The following CNTN4 variants were observed in gnomAD, a reference collection of about 807,000 sequenced individuals.
The protein encoded by CNTN4 is contactin 4, also known as contactin-4.
In CNTN4, 77 loss-of-function variants were observed where a neutral mutation model predicts 122.5. The observed-to-expected ratio is 0.63, with a 90% CI of 0.52 to 0.76. The LOEUF is 0.76. Ranked by LOEUF, CNTN4 falls within the 30% of genes least tolerant of loss-of-function variation. The pLI is 0.00. For missense variants in CNTN4, 1,256 were observed against 1,259.1 expected (o/e 1.00, Z 0.04); for synonymous variants, 512 against 447.0 (o/e 1.15, Z -1.83).
At chr3:2,286,233 C>A (rs2041897212) in intron 2 of CNTN4, among the ~76,000 whole-genome samples, 1 of 5,902 alleles carries the variant, frequency 1.7e-4, no homozygotes, top group South Asian at 0.045. Context: ...GCATACACCC[C>A]CTGCCCCCCC....
In CNTN4 at chr3:2,739,311, T is replaced by G. The variant is rs1007381756; in HGVS notation, c.182+2970T>G. ...TAGCAATTTAAATTGGTAAAAGCCA[T>G]TAAAAAAAAAAACACTCCCTAGTAA... On this transcript the variant is annotated intron_variant, in intron 5 of 24. Transcript: ENST00000418658. 4.6e-5 allele frequency among the ~76,000 whole-genome samples: 7 copies of G among 151,580 alleles called. No individual in the cohort carries two copies. The East Asian group carries it at 1.3e-3, about 29-fold the overall frequency.
chr3:3,023,537 G>A (rs1315983695), intron 14 of CNTN4, among the ~76,000 whole-genome samples: 1 of 152,188 alleles, frequency 6.6e-6, no homozygotes, highest in Admixed American at 6.5e-5. Context: ...TCTAGGCTTT[G>A]GGGTATGTGC....
chr3:2,819,407 C>T, intron 6 of CNTN4, 79 bp from the exon 7 acceptor site: 2 of 1,129,052 alleles, frequency 1.8e-6, no homozygotes, highest in Non-Finnish European at 2.7e-6. Context: ...GAATGATTCT[C>T]TTTTGAAATA....
chr3:2,985,503 C>G (rs1234618813), intron 13 of CNTN4: 1 of 152,730 alleles, frequency 6.5e-6, no homozygotes, highest in African/African-American at 2.4e-5. Context: ...TCCTGGTTTG[C>G]AAAATATAAT....
chr3:2,136,186 A>C (rs1442157914), intron 2 of CNTN4, among the ~76,000 whole-genome samples: 1 of 152,172 alleles, frequency 6.6e-6, no homozygotes, highest in Non-Finnish European at 1.5e-5. Context: ...TAATCTTGTC[A>C]TACTATAGAA....
At chr3:2,759,906 A>G (rs1056062904) in intron 6 of CNTN4, among the ~76,000 whole-genome samples, 4 of 152,110 alleles carry the variant, frequency 2.6e-5, no homozygotes, top group Non-Finnish European at 5.9e-5. Flanking sequence ...CATGTGGTTT[A>G]GATTTGCATT....
At chr3:2,675,239 T>A (rs2084779935) in intron 4 of CNTN4, among the ~76,000 whole-genome samples, 1 of 152,048 alleles carries the variant, frequency 6.6e-6, no homozygotes, top group African/African-American at 2.4e-5. Context: ...CCTTATCTCC[T>A]TCCATCTCCT....
chr3:2,668,070 T>C (rs1293465903), intron 4 of CNTN4, among the ~76,000 whole-genome samples: 1 of 152,206 alleles, frequency 6.6e-6, no homozygotes, highest in Non-Finnish European at 1.5e-5. Flanking sequence ...GTCTTGGCGA[T>C]GCGGGCTCTT....
At chr3:3,006,180 C>G (rs1422353277) in intron 14 of CNTN4, among the ~76,000 whole-genome samples, 1 of 152,096 alleles carries the variant, frequency 6.6e-6, no homozygotes, top group Non-Finnish European at 1.5e-5. Flanking sequence ...CCAGCCCACG[C>G]TGTGTAGATT....
intron 3 of CNTN4, among the ~76,000 whole-genome samples, chr3:2,357,174 T>C (rs2150506180): frequency 6.6e-6 from 1 of 152,344 alleles, no homozygotes; most frequent in African/African-American, 2.4e-5. Context: ...CTGATGCTGG[T>C]GACCCACAAA....
chr3:2,198,760 C>G (rs2037961451), intron 2 of CNTN4, among the ~76,000 whole-genome samples: 1 of 152,112 alleles, frequency 6.6e-6, no homozygotes. Flanking sequence ...TCAGGCTGCC[C>G]ATTACACTTT....
At chr3:2,207,075 A>G (rs928213673) in intron 2 of CNTN4, among the ~76,000 whole-genome samples, 11 of 151,956 alleles carry the variant, frequency 7.2e-5, no homozygotes, top group African/African-American at 2.4e-4. Flanking sequence ...TCATGTTACT[A>G]TTGTAAATTT....
chr3:2,933,026 G>T (rs934387794), intron 13 of CNTN4, among the ~76,000 whole-genome samples: 3 of 152,002 alleles, frequency 2.0e-5, no homozygotes, highest in East Asian at 1.9e-4. Flanking sequence ...GTTTCACCGT[G>T]TTAGCCAGGA....
chr3:2,552,423 G>A (rs1023641446), intron 3 of CNTN4, among the ~76,000 whole-genome samples: 3 of 152,112 alleles, frequency 2.0e-5, no homozygotes, highest in African/African-American at 7.2e-5. Context: ...GTAAATTAGG[G>A]AATATAGGTT....
intron 2 of CNTN4, among the ~76,000 whole-genome samples, chr3:2,312,645 C>G (rs560841958): frequency 1.3e-5 from 2 of 151,886 alleles, no homozygotes; most frequent in African/African-American, 4.8e-5. Context: ...AAAAATGGTG[C>G]GTTTTGGAAT....
At chr3:2,452,589 C>T (rs1407629765) in intron 3 of CNTN4, among the ~76,000 whole-genome samples, 1 of 152,182 alleles carries the variant, frequency 6.6e-6, no homozygotes, top group Admixed American at 6.6e-5. Context: ...CGCACGGTTC[C>T]TGAAACTTAA....
intron 3 of CNTN4, among the ~76,000 whole-genome samples, chr3:2,392,740 C>T (rs1237731613): frequency 6.6e-6 from 1 of 152,150 alleles, no homozygotes; most frequent in Non-Finnish European, 1.5e-5. Context: ...GCTCATTCCT[C>T]TTATTTAACT....
chr3:2,913,016 G>A (rs1317396361), intron 12 of CNTN4, among the ~76,000 whole-genome samples: 2 of 152,138 alleles, frequency 1.3e-5, no homozygotes. Flanking sequence ...GCTGGATGTG[G>A]TGGCGCATGC....
At chr3:2,989,626 C>A (rs933679076) in intron 14 of CNTN4, among the ~76,000 whole-genome samples, 1 of 151,520 alleles carries the variant, frequency 6.6e-6, no homozygotes, top group Admixed American at 6.6e-5. Flanking sequence ...ATTGGAAGTC[C>A]AAGAGTTAGA....
Sources: allele counts gnomAD v4.1 joint callset (sites outside exome capture counted in the v4.1 genomes callset), GRCh38; gene constraint gnomAD v4.1.1; transcripts MANE v1.5; gene names NCBI Gene and HGNC (gene_info 2026-07-23, HGNC 2026-07-21).